The following ARL10 variants were observed in gnomAD, a reference collection of about 807,000 sequenced individuals.
ARL10 encodes the protein ADP-ribosylation factor-like protein 10.
A neutral mutation model predicts 26.1 loss-of-function variants in ARL10; 23 were observed. The observed-to-expected ratio is 0.88, with a 90% CI of 0.63 to 1.25. The LOEUF (loss-of-function observed/expected upper bound fraction) is 1.25. ARL10 is among the 50% of genes most tolerant of loss of function. ARL10 has a pLI of 0.00. For synonymous variants in ARL10, 138 were observed against 149.1 expected (o/e 0.93, Z 0.54); for missense variants, 300 against 323.6 (o/e 0.93, Z 0.56).
chr5:176,369,014 G>C, intron 3 of ARL10, 32 bp downstream of exon 3: 1 of 1,611,082 alleles, frequency 6.2e-7, no homozygotes, highest in Non-Finnish European at 8.5e-7. Context: ...CTCGGTCCAG[G>C]TGACATCCAC....
chr5:176,399,739 C>T (rs1756718572), intron 1 of ARL10, among the ~76,000 whole-genome samples: 1 of 151,684 alleles, frequency 6.6e-6, no homozygotes, highest in Non-Finnish European at 1.5e-5. Context: ...ACTAAAAATA[C>T]AAAAAATTAG....
At chr5:176,405,503 A>AAAAAAAAAAAAG (rs1757061533), downstream of ARL10, 1 of 144,024 alleles carries the variant, frequency 6.9e-6, no homozygotes, top group African/African-American at 2.5e-5. Flanking sequence ...AAAAAAAAAA[A>AAAAAAAAAAAAG]AAAAAGAAAA....
rs773076103 is a variant in ARL10, at chr5:176,372,070, G to A, written c.*175G>A. ...CAAGAACCATGCAGAAGCCTTCCTG[G>A]TGAGGTGGCCGTGAAGCCGAAGCAG... is the stretch of plus-strand genomic sequence containing the variant. On this transcript the variant is annotated 3_prime_UTR_variant, in exon 4 of 4. Coordinates refer to ENST00000310389, the MANE Select transcript of ARL10 (RefSeq NM_173664.6). 84 of 1,430,108 alleles carry A rather than the reference G, an allele frequency of 5.9e-5. No individual in the cohort carries two copies. Among genetic ancestry groups the A allele is most frequent in the Non-Finnish European group, 7.4e-5 (81 of 1,094,626 alleles). The allele number at this position is 1,430,108 out of a possible 1,614,324, so 88.6% of individuals were successfully genotyped here. A position where few individuals can be genotyped will look rare whatever the true frequency, so the allele number is the denominator to read the frequency against.
In ARL10 at chr5:176,393,932, C is replaced by T. The variant is rs755647386; in HGVS notation, c.134-7809C>T. 1.3e-5 allele frequency among the ~76,000 whole-genome samples: 2 copies of T among 152,236 alleles called. No homozygotes were observed. Among genetic ancestry groups the T allele is most frequent in the Non-Finnish European group, 2.9e-5 (2 of 68,046 alleles). On this transcript the variant is annotated intron_variant, in intron 1 of 1. Coordinates refer to the ARL10 transcript ENST00000514533. This position sits in a 1 kb window ranked among gnomAD's most constrained non-coding sequence, Gnocchi z 4.4. ...AAGTCCCTGGAAGCCCCCTCTCCAT[C>T]TCAAGCAGGACCAGTTCTGCCGATG... is the stretch of plus-strand genomic sequence containing the variant.
At chr5:176,387,091 T>C in intron 1 of ARL10, 1 of 585,278 alleles carries the variant, frequency 1.7e-6, no homozygotes. Flanking sequence ...TTTTTTTTTC[T>C]TTTTCTTTTT....
rs59576758 is a variant in ARL10, at chr5:176,394,588, T to C, written c.134-7153T>C. On this transcript the variant is annotated intron_variant, in intron 1 of 1. Coordinates refer to the ARL10 transcript ENST00000514533. ...ATCCCAGCACTTTGGGAGGCCAAGG[T>C]GGGCGGATCACGAGGTCAGATGGAG... 2.5e-3 allele frequency among the ~76,000 whole-genome samples: 375 copies of C among 149,362 alleles called. 2 individuals carry two copies. Among genetic ancestry groups the C allele is most frequent in the East Asian group, 0.015 (79 of 5,162 alleles).
intron 1 of ARL10, among the ~76,000 whole-genome samples, chr5:176,395,515 G>A (rs1319070714): frequency 6.6e-6 from 1 of 152,210 alleles, no homozygotes; most frequent in East Asian, 1.9e-4. Context: ...CACATGACGG[G>A]CTGCCAGGGC....
In ARL10 at chr5:176,366,500, C is replaced by A. The variant is rs1768309706; in HGVS notation, c.304C>A (p.Pro102Thr). The change falls in exon 2 of 4, where the codon CCG becomes ACG. Residue 102 changes from proline (P) to threonine (T), a missense_variant. Coordinates refer to ENST00000310389, the MANE Select transcript of ARL10 (RefSeq NM_173664.6). ...TFLRVLSGKP[P>T]LEGHIPTWGF... The stretch of plus-strand genomic sequence containing the variant: ...CCTGCGCGTGTTGTCGGGGAAGCCA[C>A]CGCTGGAAGGCCACATCCCCACCTG... 2 of 1,614,100 alleles carry A rather than the reference C, an allele frequency of 1.2e-6. No individual in the cohort carries two copies. The highest frequency in any genetic ancestry group is 1.7e-6 in the Non-Finnish European group (2 of 1,180,016).
chr5:176,397,705 C>T (rs1211846782), intron 1 of ARL10: 5 of 1,613,994 alleles, frequency 3.1e-6, no homozygotes, highest in Non-Finnish European at 4.2e-6. Context: ...GTTCCGTGAC[C>T]TTAGATGCAG....
chr5:176,396,397 T>C (rs1756520493), intron 1 of ARL10: 1 of 1,247,138 alleles, frequency 8.0e-7, no homozygotes, highest in Non-Finnish European at 1.2e-6. Flanking sequence ...CTCATTTATA[T>C]CCCACAAGCA....
chr5:176,375,102 ATCCATCCC>A lies in ARL10; in HGVS notation c.*3215_*3222del, dbSNP rs1196906623. ...CATCCATCCATCCATCCATCCATCC[ATCCATCCC>A]TCCATCCGTCCACCCGTCCACCCGT... On this transcript the variant is annotated 3_prime_UTR_variant, in exon 4 of 4. Coordinates refer to ENST00000310389, the MANE Select transcript of ARL10 (RefSeq NM_173664.6). 3 of 149,126 alleles carry A rather than the reference ATCCATCCC, an allele frequency of 2.0e-5. No individual in the cohort carries two copies. Among genetic ancestry groups the A allele is most frequent in the Admixed American group, 6.7e-5 (1 of 14,916 alleles). The allele number at this position is 149,126 out of a possible 1,614,324, so 9.2% of individuals were successfully genotyped here.
In ARL10 at chr5:176,393,819, G is replaced by T. The variant is rs988924887; in HGVS notation, c.134-7922G>T. The stretch of plus-strand genomic sequence containing the variant: ...ACAGTCTAGTGGACAAAATCTACAC[G>T]TGGGACTCACTAACAGAAAGACAAT... On this transcript the variant is annotated intron_variant, in intron 1 of 1. Transcript: ENST00000514533. The surrounding 1 kb of genome is among the most constrained non-coding windows in gnomAD (Gnocchi z 4.4). Among the ~76,000 whole-genome samples the T allele has an allele frequency of 6.6e-6, 1 of 152,220 alleles. No individual in the cohort carries two copies. The highest frequency in any genetic ancestry group is 1.5e-5 in the Non-Finnish European group (1 of 68,044).
downstream of ARL10, chr5:176,385,146 T>C: frequency 1.2e-6 from 1 of 828,720 alleles, no homozygotes; most frequent in Admixed American, 1.7e-5. Context: ...AGGAAACAGG[T>C]GCTGCGCAAG....
chr5:176,371,818 A>G lies in ARL10; in HGVS notation c.658A>G (p.Ile220Val), dbSNP rs1159177334. The G allele has an allele frequency of 4.0e-5, 64 of 1,614,050 alleles. No individual in the cohort carries two copies. Among genetic ancestry groups the G allele is most frequent in the Non-Finnish European group, 5.3e-5 (62 of 1,180,040 alleles). The part of the protein sequence containing the change: ...QREVFLLAAS[I>V]APAGPTFEEP... ...GGAGGTTTTCCTCTTGGCAGCCAGC[A>G]TTGCCCCTGCAGGACCCACCTTTGA... Residue 220 changes from isoleucine (I) to valine (V), a missense_variant, in exon 4 of 4, where the codon ATT becomes GTT. Coordinates refer to ENST00000310389, the MANE Select transcript of ARL10 (RefSeq NM_173664.6).
chr5:176,389,308 C>G (rs748740682), downstream of ARL10: 2 of 1,602,008 alleles, frequency 1.2e-6, no homozygotes, highest in South Asian at 2.2e-5. Context: ...TGCTGTTTCC[C>G]AGTTGCTTTG....
chr5:176,367,795 C>A (rs75839408), intron 2 of ARL10, among the ~76,000 whole-genome samples: 371 of 152,362 alleles, frequency 2.4e-3, no homozygotes, highest in African/African-American at 8.0e-3. Flanking sequence ...CCAGGGCCAA[C>A]CCCTGTTCCA....
chr5:176,386,834 A>G (rs1286631350), downstream of ARL10: 1 of 1,613,016 alleles, frequency 6.2e-7, no homozygotes, highest in Admixed American at 1.7e-5. Flanking sequence ...TATGGACCAC[A>G]CCCACCATTC....
Position 176,381,722 on chromosome 5 carries a change from G to A in ARL10, c.*9827G>A, listed in dbSNP as rs1755556114. 6.6e-6 allele frequency: 1 copy of A among 152,178 alleles called. No homozygotes were observed. Among genetic ancestry groups the A allele is most frequent in the African/African-American group, 2.4e-5 (1 of 41,436 alleles). 9.4% of individuals were successfully genotyped at this position (152,178 alleles called of 1,614,324 possible). On this transcript the variant is annotated 3_prime_UTR_variant, in exon 4 of 4. Transcript: ENST00000310389. ...ATTAAGTTAGGTTATAATTCACTATGTACAGAGGCAGCTTTAGGCCAAACT... is the reference window on the plus strand; with the variant it reads ...ATTAAGTTAGGTTATAATTCACTATATACAGAGGCAGCTTTAGGCCAAACT...
At chr5:176,397,351 C>A (rs911689675) in intron 1 of ARL10, among the ~76,000 whole-genome samples, 1 of 138,162 alleles carries the variant, frequency 7.2e-6, no homozygotes, top group Non-Finnish European at 1.6e-5. Context: ...CACAGCCCCT[C>A]TCATGTCCCC....
Sources: allele counts gnomAD v4.1 joint callset (sites outside exome capture counted in the v4.1 genomes callset), GRCh38; gene constraint gnomAD v4.1.1; non-coding constraint Gnocchi (gnomAD v3.1); transcripts MANE v1.5; gene names NCBI Gene and HGNC (gene_info 2026-07-23, HGNC 2026-07-21).